MAEA: variants seen among roughly 807,000 people sequenced by gnomAD.
MAEA encodes the protein macrophage erythroblast attacher, E3 ubiquitin ligase.
MAEA carries 22 observed loss-of-function variants against 46.2 expected under a neutral mutation model. The observed-to-expected ratio is 0.48, with a 90% confidence interval of 0.34 to 0.68. The LOEUF (loss-of-function observed/expected upper bound fraction) is 0.68. Ranked by LOEUF, MAEA falls within the 30% of genes least tolerant of loss-of-function variation. The pLI, the probability that MAEA is intolerant of heterozygous loss-of-function variation, is 0.01. For synonymous variants in MAEA, 246 were observed against 222.6 expected (o/e 1.11, Z -0.94); for missense variants, 393 against 558.1 (o/e 0.70, Z 2.98).
At position 1,289,927 on chromosome 4, in the gene MAEA, A is replaced by G. The variant is rs1327194329; in HGVS notation, c.14A>G (p.Glu5Gly). Residue 5 changes from glutamate (E) to glycine (G), a missense_variant, in exon 1 of 9, where the codon GAG becomes GGG. By Grantham distance (98) the Glu-to-Gly change is moderately conservative. Coordinates refer to ENST00000303400, the MANE Select transcript of MAEA (RefSeq NM_001017405.3). ...GGCCGCTTCAAGATGGCGGTGCAGG[A>G]GTCGGCGGCTCAGTTGTCCATGACC... MAVQ[E>G]SAAQLSMTLK... 3 of 1,600,786 alleles carry G rather than the reference A, an allele frequency of 1.9e-6. No homozygotes were observed. Among genetic ancestry groups the G allele is most frequent in the Non-Finnish European group, 1.7e-6 (2 of 1,173,268 alleles).
At chr4:1,291,226 A>T (rs1177788477) in intron 1 of MAEA, among the ~76,000 whole-genome samples, 1 of 152,080 alleles carries the variant, frequency 6.6e-6, no homozygotes, top group Non-Finnish European at 1.5e-5. Flanking sequence ...GGATTCCAGG[A>T]CTTAAGCGAT....
intron 1 of MAEA, among the ~76,000 whole-genome samples, chr4:1,290,645 C>T (rs948395010): frequency 8.5e-5 from 13 of 152,196 alleles, no homozygotes; most frequent in African/African-American, 3.1e-4. Context: ...GAAGGAATTC[C>T]TTAAAAGATC....
chr4:1,294,051 T>C (rs1027200761), intron 1 of MAEA, among the ~76,000 whole-genome samples: 2 of 152,376 alleles, frequency 1.3e-5, no homozygotes, highest in African/African-American at 2.4e-5. Flanking sequence ...TGATGCCGTG[T>C]CTGAGGAGTC....
At chr4:1,332,659 G>C in intron 5 of MAEA, 98 bp from the exon 6 acceptor site, 2 of 842,304 alleles carry the variant, frequency 2.4e-6, no homozygotes, top group Non-Finnish European at 3.8e-6. Context: ...AGCTGTGACT[G>C]TGCCACTGCA....
chr4:1,317,094 A>C (rs1233191268), intron 3 of MAEA, among the ~76,000 whole-genome samples: 1 of 65,098 alleles, frequency 1.5e-5, no homozygotes, highest in Non-Finnish European at 3.2e-5. Flanking sequence ...CCCACACTCC[A>C]CACTCACCTG....
intron 6 of MAEA, among the ~76,000 whole-genome samples, chr4:1,334,430 A>T (rs1712476406): frequency 6.6e-6 from 1 of 152,054 alleles, no homozygotes; most frequent in Admixed American, 6.5e-5. Flanking sequence ...ATCTCATAAT[A>T]AATCATCATT....
intron 7 of MAEA, chr4:1,337,449 G>A (rs1053719206): frequency 4.6e-6 from 1 of 215,702 alleles, no homozygotes; most frequent in Admixed American, 5.6e-5. Context: ...CTGTGACTCT[G>A]TCCCACCTGC....
chr4:1,323,608 G>A, intron 4 of MAEA: 1 of 702,526 alleles, frequency 1.4e-6, no homozygotes, highest in Non-Finnish European at 2.6e-6. Context: ...AGCCAGAATT[G>A]GTATGTAACC....
intron 1 of MAEA, among the ~76,000 whole-genome samples, chr4:1,291,381 C>T (rs1734092992): frequency 6.6e-6 from 1 of 152,170 alleles, no homozygotes; most frequent in Non-Finnish European, 1.5e-5. Flanking sequence ...ATGTTGCTGA[C>T]GTTACCAAAG....
chr4:1,303,534 C>T (rs62295165), intron 1 of MAEA, among the ~76,000 whole-genome samples: 454 of 152,228 alleles, frequency 3.0e-3, no homozygotes, highest in Non-Finnish European at 4.9e-3. Flanking sequence ...TCGCTGTATG[C>T]CACATCACAG....
intron 1 of MAEA, among the ~76,000 whole-genome samples, 199 bp downstream of exon 1, chr4:1,290,181 C>A (rs1031531154): frequency 6.6e-5 from 10 of 151,498 alleles, no homozygotes; most frequent in African/African-American, 2.4e-4. Flanking sequence ...TTGGCCCTGC[C>A]AGGCGCCCGA....
At chr4:1,316,095 C>A (rs1238754219) in intron 3 of MAEA, among the ~76,000 whole-genome samples, 1 of 152,082 alleles carries the variant, frequency 6.6e-6, no homozygotes, top group Non-Finnish European at 1.5e-5. Context: ...CCGCCCGATA[C>A]CTGTACCCCG....
In MAEA at chr4:1,338,480, TC is replaced by T; in HGVS notation, c.961del (p.Leu321Ter). On this transcript the variant is annotated frameshift_variant, in exon 8 of 9. Coordinates refer to ENST00000303400, the MANE Select transcript of MAEA (RefSeq NM_001017405.3). LOFTEE classifies it high-confidence loss of function. ...KSPDCPVCSR[S>X]LNKLAQPLPM... is the part of the protein sequence containing the mutation. ...CCCTGACTGCCCTGTGTGCAGCCGC[TC>T]CCTGAACAAGCTGGCGCAGCCCCTG... 1 of 1,613,144 alleles carries T rather than the reference TC, an allele frequency of 6.2e-7. No individual in the cohort carries two copies.
chr4:1,320,266 C>G (rs1167250171), intron 3 of MAEA, among the ~76,000 whole-genome samples: 3 of 148,028 alleles, frequency 2.0e-5, no homozygotes, highest in Non-Finnish European at 4.4e-5. Flanking sequence ...CAAGAAAACT[C>G]TATGACGGGG....
intron 4 of MAEA, among the ~76,000 whole-genome samples, chr4:1,322,913 C>G (rs55872352): frequency 4.4e-4 from 58 of 130,488 alleles, no homozygotes; most frequent in Non-Finnish European, 7.7e-4. Flanking sequence ...CTGCAGAGCT[C>G]TGGGCTGTGA....
intron 1 of MAEA, among the ~76,000 whole-genome samples, chr4:1,303,598 A>T (rs1024458708): frequency 6.6e-6 from 1 of 151,994 alleles, no homozygotes. Context: ...AGTCCACATC[A>T]CGTGTGATTC....
Position 1,315,462 on chromosome 4 carries a change from C to A in MAEA, c.318C>A (p.Leu106=), listed in dbSNP as rs142120621. Residue 106 remains leucine (L), a synonymous_variant, in exon 3 of 9, where the codon CTC becomes CTA. Transcript: ENST00000303400. ...AKLCKRRIEH[L]KEHSSDQPAA... ...TGTGCAAGCGCCGGATCGAGCACCT[C>A]AAAGAGCATAGCAGCGACCAGCCCG... is the stretch of plus-strand genomic sequence containing the variant. 6.2e-7 allele frequency: 1 copy of A among 1,613,872 alleles called. No individual in the cohort carries two copies. Among genetic ancestry groups the A allele is most frequent in the African/African-American group, 1.3e-5 (1 of 75,056 alleles).
At chr4:1,330,568 G>T (rs1258924895) in intron 5 of MAEA, 1 of 151,966 alleles carries the variant, frequency 6.6e-6, no homozygotes, top group Non-Finnish European at 1.5e-5. Flanking sequence ...GCCCACCTTG[G>T]CCTCCCAAAG....
intron 2 of MAEA, among the ~76,000 whole-genome samples, chr4:1,313,914 G>C (rs1053945039): frequency 6.6e-6 from 1 of 151,084 alleles, no homozygotes; most frequent in African/African-American, 2.4e-5. Flanking sequence ...CACACCTGTA[G>C]TCTCAGCTAA....
Sources: allele counts gnomAD v4.1 joint callset (sites outside exome capture counted in the v4.1 genomes callset), GRCh38; gene constraint gnomAD v4.1.1; transcripts MANE v1.5; gene names NCBI Gene and HGNC (gene_info 2026-07-23, HGNC 2026-07-21).